SLIT3: variants seen among roughly 807,000 people sequenced by gnomAD.
SLIT3 encodes the protein slit homolog 3 protein.
SLIT3 carries 68 observed loss-of-function variants against 184.0 expected under a neutral mutation model. The observed-to-expected ratio is 0.37, with a 90% CI of 0.30 to 0.45. SLIT3 has a LOEUF of 0.45. Ranked by LOEUF, SLIT3 falls within the 20% of genes least tolerant of loss-of-function variation. The pLI is 1.00. For missense variants in SLIT3, 1,707 were observed against 2,026.0 expected, an observed-to-expected ratio of 0.84 and a Z score of 3.02; for synonymous variants, 831 against 828.6, an observed-to-expected ratio of 1.00 and a Z score of -0.05.
At chr5:169,098,174 A>G (rs1419927167) in intron 4 of SLIT3, among the ~76,000 whole-genome samples, 1 of 152,060 alleles carries the variant, frequency 6.6e-6, no homozygotes, top group Non-Finnish European at 1.5e-5. Flanking sequence ...TTCATGCCTT[A>G]GAGTTAATTA....
intron 4 of SLIT3, among the ~76,000 whole-genome samples, chr5:169,009,769 G>A (rs972246539): frequency 2.0e-5 from 3 of 152,212 alleles, no homozygotes; most frequent in African/African-American, 4.8e-5. Flanking sequence ...AATTATAAAT[G>A]TAGGGCGGGA....
intron 4 of SLIT3, among the ~76,000 whole-genome samples, chr5:169,061,985 C>T (rs1002999812): frequency 6.6e-6 from 1 of 152,088 alleles, no homozygotes; most frequent in Non-Finnish European, 1.5e-5. Flanking sequence ...GAGATCGAGA[C>T]CATCCTGGCT....
At chr5:168,714,540 GCCATTGTACT>G (rs1487852630) in intron 23 of SLIT3, among the ~76,000 whole-genome samples, 1 of 152,106 alleles carries the variant, frequency 6.6e-6, no homozygotes, top group African/African-American at 2.4e-5. Context: ...CCAAGATTGT[GCCATTGTACT>G]CCAGCCTGGG....
chr5:168,676,994 C>G (rs767294137), intron 32 of SLIT3, among the ~76,000 whole-genome samples: 8 of 152,240 alleles, frequency 5.3e-5, no homozygotes, highest in Non-Finnish European at 1.0e-4. Context: ...AGCCACAGAT[C>G]AGAGAGGGCT....
At chr5:169,292,375 T>G (rs1767386273) in intron 1 of SLIT3, among the ~76,000 whole-genome samples, 1 of 152,124 alleles carries the variant, frequency 6.6e-6, no homozygotes, top group Non-Finnish European at 1.5e-5. Context: ...TTATGGAAAG[T>G]TCCATGAGAA....
intron 4 of SLIT3, among the ~76,000 whole-genome samples, chr5:168,967,228 G>T (rs1009443697): frequency 3.3e-5 from 5 of 151,834 alleles, no homozygotes; most frequent in African/African-American, 1.2e-4. Context: ...AAATGTGTGT[G>T]TGCATGTGTA....
intron 3 of SLIT3, among the ~76,000 whole-genome samples, chr5:169,244,123 C>G (rs1356809179): frequency 6.6e-6 from 1 of 152,258 alleles, no homozygotes; most frequent in East Asian, 1.9e-4. Context: ...TGAGTCAGAA[C>G]AGTGGCCTAT....
chr5:169,184,479 A>C (rs1763269812), intron 4 of SLIT3, among the ~76,000 whole-genome samples: 1 of 152,238 alleles, frequency 6.6e-6, no homozygotes, highest in Non-Finnish European at 1.5e-5. Context: ...TACCTAGCAC[A>C]CATTAGGTGC....
chr5:168,704,141 G>A (rs1291967616), intron 26 of SLIT3, among the ~76,000 whole-genome samples: 1 of 151,470 alleles, frequency 6.6e-6, no homozygotes, highest in African/African-American at 2.4e-5. Context: ...CGGATCTAAT[G>A]AACTAGAACT....
At chr5:168,844,834 G>A in intron 5 of SLIT3, 179 bp from the exon 6 acceptor site, 1 of 587,244 alleles carries the variant, frequency 1.7e-6, no homozygotes, top group Non-Finnish European at 3.1e-6. Context: ...CTGACTGTCT[G>A]AGAGAACTAC....
Position 168,847,242 on chromosome 5 carries a change from G to A in SLIT3, c.486-2587C>T, listed in dbSNP as rs902213835. Among the ~76,000 whole-genome samples, 8 of 152,134 alleles carry A rather than the reference G, an allele frequency of 5.3e-5. No homozygotes were observed. The East Asian group carries it at 1.2e-3, about 22-fold the overall frequency. ...TATTTTATAGACTATTTTAAAACAC[G>A]AAACATCAAAATTTAAAATATTTAT... On this transcript the variant is annotated intron_variant, in intron 5 of 35. Coordinates refer to ENST00000519560, the MANE Select transcript of SLIT3 (RefSeq NM_003062.4).
intron 6 of SLIT3, among the ~76,000 whole-genome samples, chr5:168,844,128 C>G (rs887860845): frequency 2.0e-5 from 3 of 152,200 alleles, no homozygotes; most frequent in Non-Finnish European, 2.9e-5. Context: ...AGGTCCCTTT[C>G]TGATTCAGGT....
At chr5:168,696,865 A>AT (rs887536419) in intron 27 of SLIT3, among the ~76,000 whole-genome samples, 16 of 152,028 alleles carry the variant, frequency 1.1e-4, no homozygotes, top group Admixed American at 2.6e-4. Flanking sequence ...CCTTTAAGTG[A>AT]TTTTTTTACT....
chr5:168,954,969 C>T (rs1281839657), intron 4 of SLIT3, among the ~76,000 whole-genome samples: 1 of 152,106 alleles, frequency 6.6e-6, no homozygotes, highest in Non-Finnish European at 1.5e-5. Context: ...AGGTTCCGGC[C>T]TCATTCCTTG....
At chr5:169,180,204 T>C (rs1216603961) in intron 4 of SLIT3, among the ~76,000 whole-genome samples, 1 of 152,110 alleles carries the variant, frequency 6.6e-6, no homozygotes, top group Non-Finnish European at 1.5e-5. Flanking sequence ...GAGGTCAGCA[T>C]ATCCCAGGCA....
chr5:169,188,631 C>T (rs1284740305), intron 4 of SLIT3, among the ~76,000 whole-genome samples: 3 of 152,172 alleles, frequency 2.0e-5, no homozygotes, highest in African/African-American at 4.8e-5. Context: ...AAAGTTTATA[C>T]CACAGAGCCC....
intron 4 of SLIT3, among the ~76,000 whole-genome samples, chr5:169,008,564 C>T (rs907676873): frequency 2.0e-5 from 3 of 152,192 alleles, no homozygotes; most frequent in South Asian, 4.1e-4. Context: ...GAGGGGCTCC[C>T]GGCTCAGCTA....
At chr5:169,214,460 G>C (rs940364783) in intron 3 of SLIT3, among the ~76,000 whole-genome samples, 1 of 152,224 alleles carries the variant, frequency 6.6e-6, no homozygotes, top group African/African-American at 2.4e-5. Context: ...ACCAAGGCTT[G>C]TCTGGGAAAC....
In SLIT3 at chr5:169,300,677, G is replaced by T. The variant is rs1211686203; in HGVS notation, c.33C>A (p.Ala11=). The change falls in exon 1 of 36, where the codon GCC becomes GCA. Residue 11 remains alanine, a synonymous_variant. Coordinates refer to ENST00000519560, the MANE Select transcript of SLIT3 (RefSeq NM_003062.4). This position sits in a 1 kb window ranked among gnomAD's most constrained non-coding sequence, Gnocchi z 4.1. MAPGWAGVGA[A]VRARLALALA... is the part of the protein sequence containing the mutation. ...AGGCCAGCGCCAGGCGGGCGCGCAC[G>T]GCGGCGCCGACCCCTGCCCACCCGG... The T allele has an allele frequency of 2.1e-6, 3 of 1,397,316 alleles. No homozygotes were observed. The highest frequency in any genetic ancestry group is 2.8e-6 in the Non-Finnish European group (3 of 1,084,566). The allele number at this position is 1,397,316 out of a possible 1,614,324, so 86.6% of individuals were successfully genotyped here.
Sources: allele counts gnomAD v4.1 joint callset (sites outside exome capture counted in the v4.1 genomes callset), GRCh38; gene constraint gnomAD v4.1.1; non-coding constraint Gnocchi (gnomAD v3.1); transcripts MANE v1.5; gene names NCBI Gene and HGNC (gene_info 2026-07-23, HGNC 2026-07-21).